Variants in SLC10A7 observed in about 807,000 individuals in gnomAD.
SLC10A7 encodes the protein solute carrier family 10 member 7.
SLC10A7 carries 29 observed loss-of-function variants against 43.2 expected under a neutral mutation model. The ratio of observed to expected loss-of-function variants is 0.67; its 90% CI spans 0.50 to 0.92. SLC10A7 has a LOEUF of 0.92. Ranked by LOEUF, SLC10A7 falls within the 40% of genes least tolerant of loss-of-function variation. The pLI is 0.00. For missense variants in SLC10A7, 295 were observed against 403.2 expected (o/e 0.73, Z 2.30); for synonymous variants, 152 against 144.8 (o/e 1.05, Z -0.35).
At position 146,258,670 on chromosome 4, in the gene SLC10A7, T is replaced by C. The variant is rs1240478430; in HGVS notation, c.993+22A>G. The C allele has an allele frequency of 1.9e-6, 3 of 1,568,768 alleles. No individual in the cohort carries two copies. The African/African-American group carries it at 4.2e-5, about 22-fold the overall frequency. ...CATTTTAATCTAACTTGGATCCAAATAAGATCTTTCTGGGGACTCACCTTC... is the reference window on the plus strand; with the variant it reads ...CATTTTAATCTAACTTGGATCCAAACAAGATCTTTCTGGGGACTCACCTTC... On this transcript the variant is annotated intron_variant, in intron 11 of 11. Transcript: ENST00000335472.
At chr4:146,350,122 G>C (rs999041396) in intron 5 of SLC10A7, among the ~76,000 whole-genome samples, 2 of 150,306 alleles carry the variant, frequency 1.3e-5, no homozygotes, top group African/African-American at 2.4e-5. Flanking sequence ...CTGAGGTACC[G>C]GGTTCATCTC....
intron 5 of SLC10A7, among the ~76,000 whole-genome samples, chr4:146,391,151 GTAGACCATATAAACTC>G (rs1738398025): frequency 6.6e-6 from 1 of 152,158 alleles, no homozygotes; most frequent in East Asian, 1.9e-4. Context: ...AAAAGGACAT[GTAGACCATATAAACTC>G]TTGCCCTTAA....
chr4:146,405,272 T>C (rs927229621), intron 5 of SLC10A7, among the ~76,000 whole-genome samples: 3 of 152,212 alleles, frequency 2.0e-5, no homozygotes, highest in African/African-American at 2.4e-5. Flanking sequence ...CATGATTTGA[T>C]AGATTTTTAC....
intron 3 of SLC10A7, among the ~76,000 whole-genome samples, chr4:146,506,753 GT>G (rs1282118731): frequency 2.7e-5 from 4 of 150,188 alleles, no homozygotes; most frequent in Non-Finnish European, 4.4e-5. Context: ...TGTTTGTTTG[GT>G]TTTTTTTTGT....
chr4:146,447,302 T>A (rs1329362202), intron 4 of SLC10A7, among the ~76,000 whole-genome samples: 1 of 151,978 alleles, frequency 6.6e-6, no homozygotes, highest in Non-Finnish European at 1.5e-5. Context: ...AGAGACAGGG[T>A]TTCCCTATGT....
intron 7 of SLC10A7, among the ~76,000 whole-genome samples, chr4:146,298,675 A>AT (rs1730946914): frequency 6.6e-6 from 1 of 152,216 alleles, no homozygotes; most frequent in South Asian, 2.1e-4. Flanking sequence ...ATTTGTCACA[A>AT]GCACTTAGAT....
intron 5 of SLC10A7, among the ~76,000 whole-genome samples, chr4:146,365,576 A>G (rs1736332952): frequency 6.6e-6 from 1 of 152,214 alleles, no homozygotes; most frequent in Admixed American, 6.5e-5. Flanking sequence ...CTTCAATATT[A>G]CTACACTTAA....
Position 146,447,282 on chromosome 4 carries a change from A to G in SLC10A7, c.397-4461T>C, listed in dbSNP as rs369155843. On this transcript the variant is annotated intron_variant, in intron 4 of 11. Transcript: ENST00000335472. ...CACCATGCCTAGCTAGAATTTTTTA[A>G]TTTTTTTGTAGAGACAGGGTTTCCC... Among the ~76,000 whole-genome samples, 4 of 152,122 alleles carry G rather than the reference A, an allele frequency of 2.6e-5. No homozygotes were observed. The East Asian group carries it at 7.7e-4, about 29-fold the overall frequency.
chr4:146,486,207 A>G (rs755379144), intron 4 of SLC10A7, among the ~76,000 whole-genome samples: 1 of 152,246 alleles, frequency 6.6e-6, no homozygotes, highest in Non-Finnish European at 1.5e-5. Flanking sequence ...AGGTCATTCA[A>G]ATAAGCTCTT....
intron 5 of SLC10A7, among the ~76,000 whole-genome samples, chr4:146,413,289 T>C (rs1728330418): frequency 6.6e-6 from 1 of 152,136 alleles, no homozygotes; most frequent in Admixed American, 6.6e-5. Context: ...TTTACTTCTT[T>C]AGCTTGTTTT....
intron 5 of SLC10A7, among the ~76,000 whole-genome samples, chr4:146,407,675 A>G (rs1199183497): frequency 6.6e-6 from 1 of 152,236 alleles, no homozygotes. Context: ...CAGACTATTA[A>G]CTGCCTACTT....
chr4:146,380,659 T>C (rs1737548869), intron 5 of SLC10A7, among the ~76,000 whole-genome samples: 1 of 152,168 alleles, frequency 6.6e-6, no homozygotes, highest in African/African-American at 2.4e-5. Flanking sequence ...ATGTAGGCGA[T>C]CCATTGAGAC....
At chr4:146,466,642 GA>G (rs1560936280) in intron 4 of SLC10A7, among the ~76,000 whole-genome samples, 1 of 151,986 alleles carries the variant, frequency 6.6e-6, no homozygotes, top group Non-Finnish European at 1.5e-5. Flanking sequence ...TTCATAAGCA[GA>G]AAAAAAGCTG....
At chr4:146,372,862 T>C (rs1736892446) in intron 5 of SLC10A7, among the ~76,000 whole-genome samples, 1 of 152,208 alleles carries the variant, frequency 6.6e-6, no homozygotes. Context: ...CAGTTACATT[T>C]AGCAATATAA....
intron 7 of SLC10A7, among the ~76,000 whole-genome samples, chr4:146,297,746 A>G (rs1457851569): frequency 6.6e-6 from 1 of 152,214 alleles, no homozygotes; most frequent in Non-Finnish European, 1.5e-5. Flanking sequence ...ATCAAATCCA[A>G]TTTCTGTAAC....
At chr4:146,494,419 T>C (rs1219675927) in intron 4 of SLC10A7, among the ~76,000 whole-genome samples, 1 of 152,142 alleles carries the variant, frequency 6.6e-6, no homozygotes, top group African/African-American at 2.4e-5. Flanking sequence ...CCCTAACGTC[T>C]GAGGCACAGT....
chr4:146,301,968 T>A (rs1399918370), intron 7 of SLC10A7, among the ~76,000 whole-genome samples: 1 of 152,206 alleles, frequency 6.6e-6, no homozygotes, highest in Non-Finnish European at 1.5e-5. Flanking sequence ...TACTTTACTA[T>A]TTACTACTGA....
At chr4:146,310,898 G>C (rs1457771837) in intron 6 of SLC10A7, among the ~76,000 whole-genome samples, 1 of 145,956 alleles carries the variant, frequency 6.9e-6, no homozygotes, top group Admixed American at 7.0e-5. Context: ...AGGGGAAGGG[G>C]GCACTAGTGA....
chr4:146,339,230 C>T (rs1328128793), intron 5 of SLC10A7, among the ~76,000 whole-genome samples: 1 of 151,926 alleles, frequency 6.6e-6, no homozygotes, highest in Non-Finnish European at 1.5e-5. Context: ...AAAACCCAGA[C>T]CATGTCTACA....
Sources: gnomAD v4.1 joint callset for allele counts (sites outside exome capture counted in the v4.1 genomes callset) on GRCh38, gnomAD v4.1.1 for gene constraint, MANE v1.5 for transcripts, NCBI Gene and HGNC (gene_info 2026-07-23, HGNC 2026-07-21) for gene names.